The following TBCA variants were observed in gnomAD, a reference collection of about 807,000 sequenced individuals.
TBCA encodes the protein tubulin-specific chaperone A.
A neutral mutation model predicts 15.8 loss-of-function variants in TBCA; 6 were observed. The observed-to-expected ratio is 0.38, with a 90% confidence interval of 0.21 to 0.75. The LOEUF is 0.75. Among genes scored for constraint, TBCA ranks in the 30% least tolerant of loss-of-function variants. The pLI is 0.46. For synonymous variants in TBCA, 32 were observed against 42.3 expected (o/e 0.76, Z 0.94); for missense variants, 90 against 131.2 (o/e 0.69, Z 1.53).
At chr5:77,758,972 C>T (rs1747541441) in intron 1 of TBCA, among the ~76,000 whole-genome samples, 1 of 152,186 alleles carries the variant, frequency 6.6e-6, no homozygotes, top group South Asian at 2.1e-4. Context: ...AACTGCTTCT[C>T]CCTGGCACCA....
chr5:77,735,802 T>C (rs1286561193), intron 1 of TBCA, among the ~76,000 whole-genome samples: 2 of 152,214 alleles, frequency 1.3e-5, no homozygotes, highest in Non-Finnish European at 2.9e-5. Context: ...TTTACCTACA[T>C]GCGAAATGGT....
chr5:77,693,531 G>A, intron 2 of TBCA, 179 bp from the exon 3 acceptor site: 1 of 755,718 alleles, frequency 1.3e-6, no homozygotes, highest in Non-Finnish European at 2.1e-6. Context: ...AGGCACAGTG[G>A]CTCACGCCTG....
chr5:77,716,764 A>C (rs190046869), intron 1 of TBCA, among the ~76,000 whole-genome samples: 1 of 152,342 alleles, frequency 6.6e-6, no homozygotes, highest in Non-Finnish European at 1.5e-5. Flanking sequence ...CAATTACAGC[A>C]GGCATTGTTA....
intron 1 of TBCA, among the ~76,000 whole-genome samples, chr5:77,718,832 CT>C (rs1746465303): frequency 6.6e-6 from 1 of 152,138 alleles, no homozygotes. Context: ...GTCTCCTCTC[CT>C]CATCCTCTCC....
At chr5:77,776,043 C>T (rs1459498833) in intron 1 of TBCA, among the ~76,000 whole-genome samples, 162 bp downstream of exon 1, 1 of 152,206 alleles carries the variant, frequency 6.6e-6, no homozygotes, top group Non-Finnish European at 1.5e-5. Flanking sequence ...CGTCAGCGCG[C>T]CCCGCTGGGT....
intron 1 of TBCA, among the ~76,000 whole-genome samples, chr5:77,710,315 T>A (rs2112441654): frequency 6.6e-6 from 1 of 152,354 alleles, no homozygotes; most frequent in Non-Finnish European, 1.5e-5. Flanking sequence ...TGATTTATAA[T>A]TTAAAATTGT....
At chr5:77,720,411 C>T (rs1430586701) in intron 1 of TBCA, among the ~76,000 whole-genome samples, 1 of 152,044 alleles carries the variant, frequency 6.6e-6, no homozygotes, top group Non-Finnish European at 1.5e-5. Flanking sequence ...GCAGTTATTA[C>T]ACTTCTAAAA....
intron 3 of TBCA, chr5:77,693,032 C>T: frequency 1.4e-6 from 2 of 1,423,346 alleles, no homozygotes; most frequent in Non-Finnish European, 1.8e-6. Context: ...ATAAATTTAA[C>T]TAGCTAAATT....
At chr5:77,732,240 C>T (rs947754510) in intron 1 of TBCA, among the ~76,000 whole-genome samples, 2 of 152,116 alleles carry the variant, frequency 1.3e-5, no homozygotes, top group African/African-American at 4.8e-5. Flanking sequence ...AATCTTAAAA[C>T]GTTTTCTCTA....
At chr5:77,732,505 C>T (rs940354009) in intron 1 of TBCA, among the ~76,000 whole-genome samples, 2 of 136,798 alleles carry the variant, frequency 1.5e-5, no homozygotes, top group African/African-American at 5.6e-5. Flanking sequence ...GAGCAGAGAT[C>T]GTGCCACTGC....
intron 1 of TBCA, among the ~76,000 whole-genome samples, chr5:77,749,197 A>G (rs970263128): frequency 2.0e-5 from 3 of 152,246 alleles, no homozygotes; most frequent in Non-Finnish European, 2.9e-5. Context: ...TTAAAACACA[A>G]TTTACTGAAG....
At chr5:77,697,826 T>C (rs149245192) in intron 2 of TBCA, among the ~76,000 whole-genome samples, 18 of 152,094 alleles carry the variant, frequency 1.2e-4, no homozygotes, top group African/African-American at 4.1e-4. Flanking sequence ...GACAAAACTG[T>C]ATGAAACAAA....
intron 1 of TBCA, among the ~76,000 whole-genome samples, chr5:77,770,916 A>G (rs932897817): frequency 4.6e-5 from 7 of 152,082 alleles, no homozygotes; most frequent in African/African-American, 1.7e-4. Context: ...CAGGTGGATC[A>G]CCTGAGGTCA....
At chr5:77,706,853 ATAG>A (rs1746162949) in intron 2 of TBCA, among the ~76,000 whole-genome samples, 1 of 151,802 alleles carries the variant, frequency 6.6e-6, no homozygotes, top group Non-Finnish European at 1.5e-5. Context: ...AAAAAAAGAA[ATAG>A]GAGATGATGC....
At chr5:77,711,288 G>A (rs983698678) in intron 1 of TBCA, among the ~76,000 whole-genome samples, 1 of 152,090 alleles carries the variant, frequency 6.6e-6, no homozygotes, top group Non-Finnish European at 1.5e-5. Flanking sequence ...TGTGATAGAA[G>A]AACCATATGG....
At chr5:77,716,895 CT>C (rs375693152) in intron 1 of TBCA, among the ~76,000 whole-genome samples, 151 of 152,302 alleles carry the variant, frequency 9.9e-4, no homozygotes, top group African/African-American at 3.3e-3. Context: ...ATTTTACCCC[CT>C]TTTCCAAGTG....
intron 1 of TBCA, among the ~76,000 whole-genome samples, chr5:77,763,137 G>A (rs542507533): frequency 2.6e-5 from 4 of 152,198 alleles, no homozygotes; most frequent in Admixed American, 1.3e-4. Flanking sequence ...CCAGCTACGC[G>A]GGAGGCTGAG....
chr5:77,731,658 T>A (rs1056900466), intron 1 of TBCA, among the ~76,000 whole-genome samples: 9 of 152,214 alleles, frequency 5.9e-5, no homozygotes, highest in African/African-American at 1.9e-4. Flanking sequence ...TAGTAAATAC[T>A]TTCCCCAGTG....
At chr5:77,723,114 A>G (rs1322752460) in intron 1 of TBCA, among the ~76,000 whole-genome samples, 1 of 151,818 alleles carries the variant, frequency 6.6e-6, no homozygotes. Context: ...GAAAAATTAT[A>G]TAGTAACATT....
Sources: gnomAD v4.1 joint callset for allele counts (sites outside exome capture counted in the v4.1 genomes callset) on GRCh38, gnomAD v4.1.1 for gene constraint, MANE v1.5 for transcripts, NCBI Gene and HGNC (gene_info 2026-07-23, HGNC 2026-07-21) for gene names.